Variants in TMEM132D observed in about 807,000 individuals in gnomAD.
TMEM132D encodes the protein mature OL transmembrane protein.
TMEM132D carries 21 observed loss-of-function variants against 62.3 expected under a neutral mutation model. The observed-to-expected ratio is 0.34, with a 90% CI of 0.24 to 0.49. The LOEUF (loss-of-function observed/expected upper bound fraction) is 0.49. Ranked by LOEUF, TMEM132D falls within the 20% of genes least tolerant of loss-of-function variation. TMEM132D has a pLI of 0.99. For missense variants in TMEM132D, 1,346 were observed against 1,402.8 expected, an observed-to-expected ratio of 0.96 and a Z score of 0.65; for synonymous variants, 621 against 575.6, an observed-to-expected ratio of 1.08 and a Z score of -1.13.
chr12:129,674,861 C>T (rs979387865), intron 2 of TMEM132D, among the ~76,000 whole-genome samples: 2 of 152,094 alleles, frequency 1.3e-5, no homozygotes, highest in African/African-American at 4.8e-5. Flanking sequence ...TAACCCTTAG[C>T]CATATTAGTT....
chr12:129,191,719 T>C (rs1878408410), intron 5 of TMEM132D, among the ~76,000 whole-genome samples: 1 of 151,562 alleles, frequency 6.6e-6, no homozygotes, highest in South Asian at 2.1e-4. Flanking sequence ...AAGCTATATA[T>C]ATGAAACTGT....
intron 1 of TMEM132D, among the ~76,000 whole-genome samples, chr12:129,748,752 C>T (rs1169462663): frequency 6.6e-6 from 1 of 152,232 alleles, no homozygotes; most frequent in East Asian, 1.9e-4. Context: ...ATTTGACAAG[C>T]ATCTTCTCCT....
At chr12:129,352,911 G>A (rs931973703) in intron 3 of TMEM132D, among the ~76,000 whole-genome samples, 5 of 152,272 alleles carry the variant, frequency 3.3e-5, no homozygotes, top group African/African-American at 9.6e-5. Flanking sequence ...CCATTACTGG[G>A]TATATACCCA....
intron 2 of TMEM132D, among the ~76,000 whole-genome samples, chr12:129,670,027 C>T (rs1034951906): frequency 6.6e-6 from 1 of 152,114 alleles, no homozygotes; most frequent in Non-Finnish European, 1.5e-5. Context: ...GATCGGCTGC[C>T]TTTTCCCATC....
At position 129,867,880 on chromosome 12, in the gene TMEM132D, G is replaced by A. The variant is rs1874105185; in HGVS notation, c.79+35381C>T. Among the ~76,000 whole-genome samples the A allele has an allele frequency of 6.6e-6, 1 of 152,228 alleles. No individual in the cohort carries two copies. Among genetic ancestry groups the A allele is most frequent in the African/African-American group, 2.4e-5 (1 of 41,460 alleles). Reference sequence around the variant, plus strand: ...TGGGGTTGCTGGAAAAGGAGCAGAAGAAACTTCTAGGGCAATGGAAATGTC... The same window carrying A: ...TGGGGTTGCTGGAAAAGGAGCAGAAAAAACTTCTAGGGCAATGGAAATGTC... On this transcript the variant is annotated intron_variant, in intron 1 of 8. Transcript: ENST00000422113. The surrounding 1 kb of genome is among the most constrained non-coding windows in gnomAD (Gnocchi z 4.5).
chr12:129,451,175 A>G (rs1873276601), intron 3 of TMEM132D, among the ~76,000 whole-genome samples: 1 of 152,162 alleles, frequency 6.6e-6, no homozygotes, highest in African/African-American at 2.4e-5. Flanking sequence ...TGCTCAATTC[A>G]TGGGCTTCCT....
At chr12:129,596,381 CATATACATGA>C (rs967054178) in intron 2 of TMEM132D, among the ~76,000 whole-genome samples, 9 of 151,960 alleles carry the variant, frequency 5.9e-5, no homozygotes, top group African/African-American at 2.2e-4. Flanking sequence ...TGTGTGTATA[CATATACATGA>C]ATATACATGT....
chr12:129,285,452 G>C (rs10744408), intron 4 of TMEM132D, among the ~76,000 whole-genome samples: 13,974 of 147,824 alleles, frequency 0.095, 670 homozygotes, highest in South Asian at 0.12. Flanking sequence ...GCTTGGACCC[G>C]GGAGGCAGAG....
Position 129,265,819 on chromosome 12 carries a change from A to C in TMEM132D, c.1300-56156T>G, listed in dbSNP as rs74810261. Among the ~76,000 whole-genome samples the C allele has an allele frequency of 9.8e-3, 1,492 of 151,812 alleles. 32 individuals are homozygous for C. The highest frequency in any genetic ancestry group is 0.035 in the African/African-American group (1,429 of 41,414). On this transcript the variant is annotated intron_variant, in intron 4 of 8. Coordinates refer to ENST00000422113, the MANE Select transcript of TMEM132D (RefSeq NM_133448.3). ...GTCTTCTCAAACCAGCCTAACCCAA[A>C]TTTCTACCTCCTCCCCTCCCAGGCA...
intron 2 of TMEM132D, among the ~76,000 whole-genome samples, chr12:129,573,819 G>A (rs778197793): frequency 2.7e-5 from 4 of 149,654 alleles, no homozygotes; most frequent in South Asian, 2.1e-4. Flanking sequence ...AGGATATTCC[G>A]TGTGAAAGAA....
chr12:129,496,053 C>G (rs1351786082), intron 3 of TMEM132D, among the ~76,000 whole-genome samples: 1 of 152,168 alleles, frequency 6.6e-6, no homozygotes, highest in East Asian at 1.9e-4. Context: ...AGAGATTTGT[C>G]TGCAGGCTGC....
intron 2 of TMEM132D, among the ~76,000 whole-genome samples, chr12:129,578,306 C>T (rs939876560): frequency 6.6e-6 from 1 of 151,924 alleles, no homozygotes; most frequent in African/African-American, 2.4e-5. Flanking sequence ...GACTTCTCAA[C>T]CAACATGATC....
chr12:129,140,924 A>G (rs7310817), intron 5 of TMEM132D, among the ~76,000 whole-genome samples: 1 of 151,882 alleles, frequency 6.6e-6, no homozygotes, highest in Admixed American at 6.6e-5. Context: ...GGAAGCATTC[A>G]TTTGTAAGCC....
intron 1 of TMEM132D, among the ~76,000 whole-genome samples, chr12:129,866,571 A>G (rs892259887): frequency 6.6e-6 from 1 of 151,964 alleles, no homozygotes; most frequent in Non-Finnish European, 1.5e-5. Flanking sequence ...GTGCACATGT[A>G]CCCTAGAACT....
At chr12:129,569,646 T>C (rs539847107) in intron 2 of TMEM132D, among the ~76,000 whole-genome samples, 1 of 152,282 alleles carries the variant, frequency 6.6e-6, no homozygotes, top group East Asian at 1.9e-4. Context: ...AAAATACAAG[T>C]ACTGCTCAAG....
Position 129,320,839 on chromosome 12 carries a change from T to C in TMEM132D, c.1299+16795A>G, listed in dbSNP as rs573115386. Among the ~76,000 whole-genome samples the C allele has an allele frequency of 5.3e-5, 8 of 152,280 alleles. No individual in the cohort carries two copies. The East Asian group carries it at 1.5e-3, about 29-fold the overall frequency. On this transcript the variant is annotated intron_variant, in intron 4 of 8. Transcript: ENST00000422113. ...GAAAAATACATAAATCCATCTTTTTTCAGGTAAAATCAACAGGACTTGGTA... is the reference window on the plus strand; with the variant it reads ...GAAAAATACATAAATCCATCTTTTTCCAGGTAAAATCAACAGGACTTGGTA...
intron 1 of TMEM132D, among the ~76,000 whole-genome samples, chr12:129,770,344 G>A (rs534798218): frequency 9.9e-5 from 15 of 151,958 alleles, no homozygotes; most frequent in Admixed American, 5.2e-4. Flanking sequence ...GGGTTTCACC[G>A]TGTTGGCCAG....
intron 4 of TMEM132D, among the ~76,000 whole-genome samples, chr12:129,334,152 T>G (rs1328090787): frequency 6.6e-6 from 1 of 152,004 alleles, no homozygotes; most frequent in Non-Finnish European, 1.5e-5. Context: ...TGAAAAAAAT[T>G]TTTAAATAAT....
At chr12:129,486,679 C>A (rs746852018) in intron 3 of TMEM132D, among the ~76,000 whole-genome samples, 15 of 152,186 alleles carry the variant, frequency 9.9e-5, no homozygotes, top group Non-Finnish European at 1.8e-4. Context: ...GTGGACACGA[C>A]CCCAGCACCA....
Sources: gnomAD v4.1 joint callset for allele counts (sites outside exome capture counted in the v4.1 genomes callset) on GRCh38, gnomAD v4.1.1 for gene constraint, Gnocchi (gnomAD v3.1) non-coding constraint, MANE v1.5 for transcripts, NCBI Gene and HGNC (gene_info 2026-07-23, HGNC 2026-07-21) for gene names.